Variants in FAM43A observed in about 807,000 individuals in gnomAD.
The protein encoded by FAM43A is family with sequence similarity 43 member A, also known as protein FAM43A.
FAM43A carries 11 observed loss-of-function variants against 15.7 expected under a neutral mutation model. The ratio of observed to expected loss-of-function variants is 0.70; its 90% confidence interval spans 0.44 to 1.16. The LOEUF (loss-of-function observed/expected upper bound fraction) is 1.16, where lower values mean the gene tolerates loss of function less well. Ranked by LOEUF, FAM43A falls within the 50% of genes most tolerant of loss-of-function variation. The pLI is 0.00. For synonymous variants in FAM43A, 319 were observed against 291.7 expected (o/e 1.09, Z -0.96); for missense variants, 573 against 620.0 (o/e 0.92, Z 0.80).
Position 194,686,077 on chromosome 3 carries a change from GC to G in FAM43A, c.-748del, listed in dbSNP as rs2108628529. 6.6e-6 allele frequency among the ~76,000 whole-genome samples: 1 copy of G among 152,330 alleles called. No individual in the cohort carries two copies. The highest frequency in any genetic ancestry group is 2.1e-4 in the South Asian group (1 of 4,830). Reference sequence around the variant, plus strand: ...CGGAGCCCAGCGCCGTCTCGGCCAGGCCAGCCCGGACACTGAGCGGGCCGAG... The same window carrying G: ...CGGAGCCCAGCGCCGTCTCGGCCAGGCAGCCCGGACACTGAGCGGGCCGAG... On this transcript the variant is annotated 5_prime_UTR_variant, in exon 1 of 1. It removes the in-frame stop codon of an upstream open reading frame in the 5' UTR. Transcript: ENST00000329759.
chr3:194,687,690 G>T lies in FAM43A; in HGVS notation c.864G>T (p.Glu288Asp). ...CPEEEENRAA[E>D]GDPAEEEAEA... ...AGGAGGAGGAGAACCGTGCGGCAGA[G>T]GGAGATCCAGCAGAGGAGGAGGCCG... The change falls in exon 1 of 1, where the codon GAG (glutamate) becomes GAT (aspartate). Residue 288 changes from glutamate (E) to aspartate (D), a missense_variant. Physicochemically the swap from Glu to Asp is conservative, Grantham distance 45 (BLOSUM62 2). Transcript: ENST00000329759. 6.4e-7 allele frequency: 1 copy of T among 1,564,034 alleles called. No individual in the cohort carries two copies. The highest frequency in any genetic ancestry group is 8.7e-7 in the Non-Finnish European group (1 of 1,153,592).
Position 194,687,900 on chromosome 3 carries a change from C to G in FAM43A, c.1074C>G (p.Ser358Arg). The part of the protein sequence containing the change: ...DMKAELSQLI[S>R]DLGELSFGND... ...AGGCTGAGCTGTCGCAACTTATTAG[C>G]GACCTGGGCGAGCTCAGCTTCGGCA... Residue 358 changes from serine (S) to arginine (R), a missense_variant, in exon 1 of 1, where the codon AGC becomes AGG. Coordinates refer to ENST00000329759, the MANE Select transcript of FAM43A (RefSeq NM_153690.5). 2.0e-6 allele frequency: 3 copies of G among 1,465,196 alleles called. No individual in the cohort carries two copies. Among genetic ancestry groups the G allele is most frequent in the Non-Finnish European group, 1.8e-6 (2 of 1,108,450 alleles). 90.8% of individuals were successfully genotyped at this position (1,465,196 alleles called of 1,614,324 possible).
chr3:194,687,934 C>G lies in FAM43A; in HGVS notation c.1108C>G (p.Arg370Gly), dbSNP rs2108629492. Reference protein sequence around the residue: ...LGELSFGNDVRTLQADLRVTR... With the variant: ...LGELSFGNDVGTLQADLRVTR... ...CGAGCTCAGCTTCGGCAACGACGTG[C>G]GCACCCTGCAGGCCGACTTGCGGGT... The change falls in exon 1 of 1, where the codon CGC becomes GGC. Residue 370 changes from arginine (R) to glycine (G), a missense_variant. Coordinates refer to ENST00000329759, the MANE Select transcript of FAM43A (RefSeq NM_153690.5). 1 of 1,459,384 alleles carries G rather than the reference C, an allele frequency of 6.9e-7. No individual in the cohort carries two copies. The highest frequency in any genetic ancestry group is 1.5e-5 in the South Asian group (1 of 66,114). 90.4% of individuals were successfully genotyped at this position (1,459,384 alleles called of 1,614,324 possible).
At position 194,688,348 on chromosome 3, in the gene FAM43A, A is replaced by AGG; in HGVS notation, c.*252_*253dup. ...TTTGAGAGGGGAAAACCCCGCCAGG[A>AGG]GGGAGAGAGAGGCACCCCTCTGGGA... is the stretch of plus-strand genomic sequence containing the variant. On this transcript the variant is annotated 3_prime_UTR_variant, in exon 1 of 1. Transcript: ENST00000329759. The AGG allele has an allele frequency of 2.5e-6, 1 of 395,190 alleles. No homozygotes were observed. The highest frequency in any genetic ancestry group is 3.9e-5 in the East Asian group (1 of 25,608). 24.5% of individuals were successfully genotyped at this position (395,190 alleles called of 1,614,324 possible). A position where few individuals can be genotyped will look rare whatever the true frequency, so the allele number is the denominator to read the frequency against.
At position 194,687,684 on chromosome 3, in the gene FAM43A, G is replaced by A. The variant is rs755348455; in HGVS notation, c.858G>A (p.Ala286=). Residue 286 remains alanine, a synonymous_variant, in exon 1 of 1, where the codon GCG becomes GCA. Coordinates refer to ENST00000329759, the MANE Select transcript of FAM43A (RefSeq NM_153690.5). ...GCCCGGAGGAGGAGGAGAACCGTGCGGCAGAGGGAGATCCAGCAGAGGAGG... is the reference window on the plus strand; with the variant it reads ...GCCCGGAGGAGGAGGAGAACCGTGCAGCAGAGGGAGATCCAGCAGAGGAGG... ...EGCPEEEENR[A]AEGDPAEEEA... The A allele has an allele frequency of 6.4e-7, 1 of 1,563,692 alleles. No individual in the cohort carries two copies. Among genetic ancestry groups the A allele is most frequent in the South Asian group, 1.2e-5 (1 of 85,250 alleles).
rs2108629982 is a variant in FAM43A, at chr3:194,688,956, TTTG to T, written c.*861_*863del. The T allele has an allele frequency of 6.1e-6, 1 of 164,972 alleles. No individual in the cohort carries two copies. The highest frequency in any genetic ancestry group is 2.4e-5 in the African/African-American group (1 of 41,556). The allele number at this position is 164,972 out of a possible 1,614,324, so 10.2% of individuals were successfully genotyped here. On this transcript the variant is annotated 3_prime_UTR_variant, in exon 1 of 1. Transcript: ENST00000329759. ...ATATACAGAAATGTGTATAAAACAT[TTTG>T]TTATTTTTTAAAAGTAGCACTGTTC...
chr3:194,687,503 T>A lies in FAM43A; in HGVS notation c.677T>A (p.Leu226Gln), dbSNP rs1299679313. Residue 226 changes from leucine (L) to glutamine (Q), a missense_variant, in exon 1 of 1, where the codon CTG becomes CAG. Leu to Gln is a moderately radical substitution (Grantham distance 113). Transcript: ENST00000329759. The part of the protein sequence containing the change: ...VGAHTIPLVP[L>Q]RKLLLHGPCC... ...GCACACACCATCCCGCTAGTGCCGC[T>A]GCGCAAGCTGCTCCTACACGGACCC... The A allele has an allele frequency of 5.8e-6, 9 of 1,546,526 alleles. No homozygotes were observed. Among genetic ancestry groups the A allele is most frequent in the Non-Finnish European group, 7.9e-6 (9 of 1,143,680 alleles).
chr3:194,687,823 G>C lies in FAM43A; in HGVS notation c.997G>C (p.Gly333Arg), dbSNP rs938613342. 23 of 1,448,236 alleles carry C rather than the reference G, an allele frequency of 1.6e-5. No homozygotes were observed. Among genetic ancestry groups the C allele is most frequent in the Non-Finnish European group, 2.1e-5 (23 of 1,098,516 alleles). The allele number at this position is 1,448,236 out of a possible 1,614,324, so 89.7% of individuals were successfully genotyped here. A position where few individuals can be genotyped will look rare whatever the true frequency, so the allele number is the denominator to read the frequency against. Residue 333 changes from glycine (G) to arginine (R), a missense_variant, in exon 1 of 1, where the codon GGC (glycine) becomes CGC (arginine). Gly to Arg is a moderately radical substitution (Grantham distance 125). Coordinates refer to ENST00000329759, the MANE Select transcript of FAM43A (RefSeq NM_153690.5). ...GCTAGGAGGCGGCGGGGGCTCCCTG[G>C]GCCCGGGGGCCGGGCCGCCGCCTCT... ...EALGGGGGSL[G>R]PGAGPPPLLL...
In FAM43A at chr3:194,687,900, C is replaced by T. The variant is rs756735243; in HGVS notation, c.1074C>T (p.Ser358=). The change falls in exon 1 of 1, where the codon AGC becomes AGT. Residue 358 remains serine (S), a synonymous_variant. Coordinates refer to ENST00000329759, the MANE Select transcript of FAM43A (RefSeq NM_153690.5). The part of the protein sequence containing the change: ...DMKAELSQLI[S]DLGELSFGND... The stretch of plus-strand genomic sequence containing the variant: ...AGGCTGAGCTGTCGCAACTTATTAG[C>T]GACCTGGGCGAGCTCAGCTTCGGCA... The T allele has an allele frequency of 2.7e-6, 4 of 1,465,078 alleles. No homozygotes were observed. The highest frequency in any genetic ancestry group is 3.0e-5 in the South Asian group (2 of 66,828). The allele number at this position is 1,465,078 out of a possible 1,614,324, so 90.8% of individuals were successfully genotyped here.
chr3:194,687,061 A>G lies in FAM43A; in HGVS notation c.235A>G (p.Thr79Ala). 1.2e-6 allele frequency: 2 copies of G among 1,613,536 alleles called. No homozygotes were observed. The highest frequency in any genetic ancestry group is 1.7e-6 in the Non-Finnish European group (2 of 1,179,762). The part of the protein sequence containing the change: ...TYTVLYLGNA[T>A]TIQARGDGCT... Reference sequence around the variant, plus strand: ...CACCGTGCTCTACCTGGGCAATGCCACCACCATCCAGGCGCGCGGCGACGG... The same window carrying G: ...CACCGTGCTCTACCTGGGCAATGCCGCCACCATCCAGGCGCGCGGCGACGG... Residue 79 changes from threonine (T) to alanine (A), a missense_variant, in exon 1 of 1, where the codon ACC becomes GCC. Coordinates refer to ENST00000329759, the MANE Select transcript of FAM43A (RefSeq NM_153690.5).
chr3:194,688,030 T>A lies in FAM43A; in HGVS notation c.1204T>A (p.Ser402Thr). The A allele has an allele frequency of 7.1e-7, 1 of 1,416,630 alleles. No individual in the cohort carries two copies. Among genetic ancestry groups the A allele is most frequent in the Admixed American group, 2.9e-5 (1 of 34,484 alleles). The allele number at this position is 1,416,630 out of a possible 1,614,324, so 87.8% of individuals were successfully genotyped here. Reference sequence around the variant, plus strand: ...CGAGGGCGGGGGCCCTGACGCCACCTCCGCCACCGCCGGGGACTCGTCCCG... The same window carrying A: ...CGAGGGCGGGGGCCCTGACGCCACCACCGCCACCGCCGGGGACTCGTCCCG... ...SIEGGGPDAT[S>T]ATAGDSSRQA... is the part of the protein sequence containing the mutation. The change falls in exon 1 of 1, where the codon TCC (serine) becomes ACC (threonine). Residue 402 changes from serine to threonine, a missense_variant. Physicochemically the swap from Ser to Thr is moderately conservative, Grantham distance 58. Coordinates refer to ENST00000329759, the MANE Select transcript of FAM43A (RefSeq NM_153690.5).
chr3:194,687,735 G>T lies in FAM43A; in HGVS notation c.909G>T (p.Val303=), dbSNP rs1244744307. 4 of 1,556,636 alleles carry T rather than the reference G, an allele frequency of 2.6e-6. No individual in the cohort carries two copies. Among genetic ancestry groups the T allele is most frequent in the Non-Finnish European group, 2.6e-6 (3 of 1,149,234 alleles). ...EEEAEAQRAL[V]VAMHFECGDL... is the part of the protein sequence containing the mutation. ...AGGCCGAGGCGCAGCGTGCGCTAGT[G>T]GTCGCCATGCACTTTGAGTGCGGGG... Residue 303 remains valine, a synonymous_variant, in exon 1 of 1, where the codon GTG becomes GTT. Coordinates refer to ENST00000329759, the MANE Select transcript of FAM43A (RefSeq NM_153690.5).
chr3:194,687,439 C>T lies in FAM43A; in HGVS notation c.613C>T (p.Arg205Trp). The change falls in exon 1 of 1, where the codon CGG (arginine) becomes TGG (tryptophan). Residue 205 changes from arginine (R) to tryptophan (W), a missense_variant. Transcript: ENST00000329759. ...GGCGGAATTTAAACGCCTCAAGCGG[C>T]GGGACGACGCGCGTCACCAGCAGCA... ...ALAEFKRLKRRDDARHQQQEL... is the reference protein window; with the variant it reads ...ALAEFKRLKRWDDARHQQQEL... The T allele has an allele frequency of 6.5e-7, 1 of 1,534,356 alleles. No individual in the cohort carries two copies. Among genetic ancestry groups the T allele is most frequent in the Admixed American group, 2.0e-5 (1 of 50,464 alleles).
chr3:194,688,001 C>A lies in FAM43A; in HGVS notation c.1175C>A (p.Ser392Tyr). The A allele has an allele frequency of 7.0e-7, 1 of 1,424,948 alleles. No individual in the cohort carries two copies. The highest frequency in any genetic ancestry group is 9.2e-7 in the Non-Finnish European group (1 of 1,090,216). The allele number at this position is 1,424,948 out of a possible 1,614,324, so 88.3% of individuals were successfully genotyped here. Residue 392 changes from serine to tyrosine, a missense_variant, in exon 1 of 1, where the codon TCC becomes TAC. By Grantham distance (144) the Ser-to-Tyr change is moderately radical (BLOSUM62 -2). Transcript: ENST00000329759. ...GGCGACAGCACGGGCAGCGAGAGCT[C>A]CATCGAGGGCGGGGGCCCTGACGCC... ...LSGDSTGSES[S>Y]IEGGGPDATS...
In FAM43A at chr3:194,686,998, C is replaced by T. The variant is rs539589891; in HGVS notation, c.172C>T (p.Arg58Cys). The T allele has an allele frequency of 2.2e-5, 36 of 1,610,148 alleles. No individual in the cohort carries two copies. Among genetic ancestry groups the T allele is most frequent in the Non-Finnish European group, 2.9e-5 (34 of 1,177,370 alleles). Residue 58 changes from arginine to cysteine, a missense_variant, in exon 1 of 1, where the codon CGC (arginine) becomes TGC (cysteine). Transcript: ENST00000329759. The part of the protein sequence containing the change: ...SRVGSMFRSK[R>C]KKLHITSEDP... ...GGTGGGCAGCATGTTCCGCTCCAAGCGCAAGAAGCTGCACATCACTAGCGA... is the reference window on the plus strand; with the variant it reads ...GGTGGGCAGCATGTTCCGCTCCAAGTGCAAGAAGCTGCACATCACTAGCGA...
Position 194,688,235 on chromosome 3 carries a change from G to C in FAM43A, c.*137G>C. The C allele has an allele frequency of 3.8e-6, 4 of 1,054,236 alleles. No homozygotes were observed. Among genetic ancestry groups the C allele is most frequent in the Non-Finnish European group, 1.2e-6 (1 of 812,492 alleles). The allele number at this position is 1,054,236 out of a possible 1,614,324, so 65.3% of individuals were successfully genotyped here. A position where few individuals can be genotyped will look rare whatever the true frequency, so the allele number is the denominator to read the frequency against. The stretch of plus-strand genomic sequence containing the variant: ...GACCTACACTTGGAGCCCAGGTCCA[G>C]CGTTCCCCCGACCGCTTTCCCCTAC... On this transcript the variant is annotated 3_prime_UTR_variant, in exon 1 of 1. Transcript: ENST00000329759.
Position 194,687,127 on chromosome 3 carries a change from G to C in FAM43A, c.301G>C (p.Glu101Gln). The C allele has an allele frequency of 1.2e-6, 2 of 1,613,220 alleles. No individual in the cohort carries two copies. The highest frequency in any genetic ancestry group is 1.7e-6 in the Non-Finnish European group (2 of 1,179,928). The change falls in exon 1 of 1, where the codon GAG (glutamate) becomes CAG (glutamine). Residue 101 changes from glutamate to glutamine, a missense_variant. Glu to Gln is a conservative substitution (Grantham distance 29). Coordinates refer to ENST00000329759, the MANE Select transcript of FAM43A (RefSeq NM_153690.5). ...TGTGGGCAAGATCTGGAGCAAGAGCGAGGCGGGCCGTCAGGGCACCAAGAT... is the reference window on the plus strand; with the variant it reads ...TGTGGGCAAGATCTGGAGCAAGAGCCAGGCGGGCCGTCAGGGCACCAAGAT... ...LAVGKIWSKS[E>Q]AGRQGTKMKL...
rs1447680236 is a variant in FAM43A, at chr3:194,687,708, G to A, written c.882G>A (p.Glu294=). 5.1e-6 allele frequency: 8 copies of A among 1,561,302 alleles called. No individual in the cohort carries two copies. The highest frequency in any genetic ancestry group is 6.9e-6 in the Non-Finnish European group (8 of 1,152,780). ...CGGCAGAGGGAGATCCAGCAGAGGA[G>A]GAGGCCGAGGCGCAGCGTGCGCTAG... The part of the protein sequence containing the change: ...NRAAEGDPAE[E]EAEAQRALVV... The change falls in exon 1 of 1, where the codon GAG becomes GAA. Residue 294 remains glutamate, a synonymous_variant. Coordinates refer to ENST00000329759, the MANE Select transcript of FAM43A (RefSeq NM_153690.5).
In FAM43A at chr3:194,688,027, AC is replaced by A; in HGVS notation, c.1203del (p.Ser402ProfsTer99). 7.1e-7 allele frequency: 1 copy of A among 1,409,042 alleles called. No individual in the cohort carries two copies. Among genetic ancestry groups the A allele is most frequent in the Non-Finnish European group, 9.3e-7 (1 of 1,080,976 alleles). The allele number at this position is 1,409,042 out of a possible 1,614,324, so 87.3% of individuals were successfully genotyped here. A position where few individuals can be genotyped will look rare whatever the true frequency, so the allele number is the denominator to read the frequency against. On this transcript the variant is annotated frameshift_variant, in exon 1 of 1. Transcript: ENST00000329759. LOFTEE classifies it low-confidence loss of function (END_TRUNC). ...CATCGAGGGCGGGGGCCCTGACGCC[AC>A]CTCCGCCACCGCCGGGGACTCGTCC... ...SSIEGGGPDATSATAGDSSRQ... is the reference protein window; with the variant it reads ...SSIEGGGPDAXSATAGDSSRQ...
Sources: allele counts gnomAD v4.1 joint callset (sites outside exome capture counted in the v4.1 genomes callset), GRCh38; gene constraint gnomAD v4.1.1; transcripts MANE v1.5; gene names NCBI Gene and HGNC (gene_info 2026-07-23, HGNC 2026-07-21).